The following PRR16 variants were observed in gnomAD, a reference collection of about 807,000 sequenced individuals.
PRR16 encodes the protein proline rich 16.
Under a neutral mutation model 18.2 loss-of-function variants are expected in PRR16, and 6 were observed. That is an observed-to-expected ratio of 0.33 (90% CI 0.18 to 0.65). PRR16 has a LOEUF of 0.65. Ranked by LOEUF, PRR16 falls within the 30% of genes least tolerant of loss-of-function variation. The pLI is 0.74. For missense variants in PRR16, 412 were observed against 376.6 expected, an observed-to-expected ratio of 1.09 and a Z score of -0.78; for synonymous variants, 151 against 147.8, an observed-to-expected ratio of 1.02 and a Z score of -0.16.
Position 120,686,034 on chromosome 5 carries a change from G to A in PRR16, c.240G>A (p.Leu80=). 6.2e-7 allele frequency: 1 copy of A among 1,614,124 alleles called. No homozygotes were observed. Among genetic ancestry groups the A allele is most frequent in the Non-Finnish European group, 8.5e-7 (1 of 1,180,010 alleles). Residue 80 remains leucine (L), a synonymous_variant, in exon 2 of 2, where the codon CTG becomes CTA. Transcript: ENST00000407149. ...EMTDSSKTDT[L]NSSSSGTTAS... is the part of the protein sequence containing the mutation. ...CTGACAGCTCCAAAACGGACACGCT[G>A]AATAGTAGCTCAAGTGGCACAACAG...
At chr5:120,743,392 T>C in the PRR16 span, among the ~76,000 whole-genome samples, 2 of 151,946 alleles carry the variant, frequency 1.3e-5, no homozygotes, top group African/African-American at 4.8e-5. Flanking sequence ...TAAAAAAAAA[T>C]GTTTGAAGGT....
At chr5:120,679,953 T>C (rs1390794595) in intron 1 of PRR16, among the ~76,000 whole-genome samples, 3 of 152,112 alleles carry the variant, frequency 2.0e-5, no homozygotes, top group African/African-American at 7.2e-5. Context: ...GTTAATAATA[T>C]TGTATTGTAT....
intron 1 of PRR16, among the ~76,000 whole-genome samples, chr5:120,466,963 A>C (rs569821739): frequency 6.6e-6 from 1 of 152,306 alleles, no homozygotes; most frequent in South Asian, 2.1e-4. Context: ...CCAAATCCCA[A>C]AACATCGGCT....
intron 1 of PRR16, among the ~76,000 whole-genome samples, chr5:120,637,322 A>C (rs1300261102): frequency 6.7e-6 from 1 of 148,588 alleles, no homozygotes; most frequent in African/African-American, 2.5e-5. Context: ...ATACGGAAAA[A>C]AAAAAAAAAA....
intron 1 of PRR16, among the ~76,000 whole-genome samples, chr5:120,634,410 A>G (rs1755159389): frequency 6.6e-6 from 1 of 152,150 alleles, no homozygotes; most frequent in Non-Finnish European, 1.5e-5. Flanking sequence ...TTGGGAGGCC[A>G]AGGCAGGGGG....
chr5:120,670,616 C>T (rs1551019), intron 1 of PRR16, among the ~76,000 whole-genome samples: 45,898 of 151,868 alleles, frequency 0.3, 7,437 homozygotes, highest in Middle Eastern at 0.42. Context: ...TAAAATGCAA[C>T]CCCCTTACTC....
chr5:120,546,554 C>G (rs1002405482), intron 1 of PRR16, among the ~76,000 whole-genome samples: 3 of 152,058 alleles, frequency 2.0e-5, no homozygotes, highest in African/African-American at 7.2e-5. Context: ...TGAAATCATC[C>G]CTGCATGTCA....
chr5:120,507,609 T>G (rs894136208), intron 1 of PRR16, among the ~76,000 whole-genome samples: 1 of 152,152 alleles, frequency 6.6e-6, no homozygotes. Flanking sequence ...ATATAAAGCC[T>G]GAAGACTCAT....
chr5:120,776,727 A>C, the PRR16 span, among the ~76,000 whole-genome samples: 1 of 152,180 alleles, frequency 6.6e-6, no homozygotes, highest in Non-Finnish European at 1.5e-5. Context: ...TTGTATTTGT[A>C]CTTCATTGCA....
chr5:120,778,260 C>G, the PRR16 span, among the ~76,000 whole-genome samples: 1 of 152,092 alleles, frequency 6.6e-6, no homozygotes, highest in Non-Finnish European at 1.5e-5. Flanking sequence ...GCCAATTAAA[C>G]TTGTAGGATA....
At chr5:120,491,297 T>G (rs1455890573) in intron 1 of PRR16, among the ~76,000 whole-genome samples, 1 of 152,190 alleles carries the variant, frequency 6.6e-6, no homozygotes, top group African/African-American at 2.4e-5. Context: ...ATTAATTTTC[T>G]GGGAAATCTG....
At chr5:120,733,551 G>A in the PRR16 span, among the ~76,000 whole-genome samples, 1 of 152,100 alleles carries the variant, frequency 6.6e-6, no homozygotes, top group Non-Finnish European at 1.5e-5. Flanking sequence ...ATTTCTACCT[G>A]TATTGCTGAA....
intron 1 of PRR16, among the ~76,000 whole-genome samples, chr5:120,498,288 G>GTA (rs1234795873): frequency 1.3e-5 from 2 of 148,644 alleles, no homozygotes; most frequent in African/African-American, 2.5e-5. Context: ...ATATGTGTGT[G>GTA]TATATATATA....
At chr5:120,533,071 G>A (rs1027541356) in intron 1 of PRR16, among the ~76,000 whole-genome samples, 2 of 152,164 alleles carry the variant, frequency 1.3e-5, no homozygotes, top group African/African-American at 4.8e-5. Context: ...GGGGGCTACG[G>A]CAACTGCACT....
At chr5:120,485,755 C>A (rs1030898830) in intron 1 of PRR16, among the ~76,000 whole-genome samples, 1 of 152,186 alleles carries the variant, frequency 6.6e-6, no homozygotes, top group South Asian at 2.1e-4. Flanking sequence ...CCCATCAACC[C>A]GTCATCTAAC....
chr5:120,551,464 G>A lies in PRR16; in HGVS notation c.159+86819G>A, dbSNP rs113135477. On this transcript the variant is annotated intron_variant, in intron 1 of 1. Transcript: ENST00000407149. ...CTTGCCGCTTCATCGTCTATTAAAT[G>A]TGGATAATAAGAACTGCCTCATCAA... Among the ~76,000 whole-genome samples, 528 of 152,084 alleles carry A rather than the reference G, an allele frequency of 3.5e-3. 4 individuals are homozygous for A. The highest frequency in any genetic ancestry group is 0.012 in the African/African-American group (493 of 41,534).
At chr5:120,767,994 A>T in the PRR16 span, among the ~76,000 whole-genome samples, 1 of 151,856 alleles carries the variant, frequency 6.6e-6, no homozygotes, top group Non-Finnish European at 1.5e-5. Flanking sequence ...TTACAGAATT[A>T]TGCAACCATC....
the PRR16 span, among the ~76,000 whole-genome samples, chr5:120,776,736 C>A: frequency 2.0e-5 from 3 of 152,126 alleles, no homozygotes; most frequent in African/African-American, 7.2e-5. Flanking sequence ...TACTTCATTG[C>A]AATCTTTGTT....
At chr5:120,578,416 G>T (rs1287293118) in intron 1 of PRR16, among the ~76,000 whole-genome samples, 1 of 151,972 alleles carries the variant, frequency 6.6e-6, no homozygotes, top group Non-Finnish European at 1.5e-5. Flanking sequence ...CCCCCGAAAA[G>T]GCCCTGGTTT....
Sources: gnomAD v4.1 joint callset for allele counts (sites outside exome capture counted in the v4.1 genomes callset) on GRCh38, gnomAD v4.1.1 for gene constraint, MANE v1.5 for transcripts, NCBI Gene and HGNC (gene_info 2026-07-23, HGNC 2026-07-21) for gene names.